The following PPP2R2C variants were observed in gnomAD, a reference collection of about 807,000 sequenced individuals.
PPP2R2C encodes protein phosphatase 2 regulatory subunit Bgamma, also known as protein phosphatase 2, regulatory subunit B, gamma.
In PPP2R2C, 10 loss-of-function variants were observed where a neutral mutation model predicts 45.3. That is an observed-to-expected ratio of 0.22 (90% CI 0.14 to 0.37). PPP2R2C has a LOEUF of 0.37. PPP2R2C is among the 10% of genes least tolerant of loss of function. PPP2R2C has a pLI of 1.00. For missense variants in PPP2R2C, 308 were observed against 619.7 expected (o/e 0.50, Z 5.34); for synonymous variants, 257 against 245.4 (o/e 1.05, Z -0.44).
intron 1 of PPP2R2C, among the ~76,000 whole-genome samples, chr4:6,401,224 G>A (rs1293744849): frequency 6.6e-6 from 1 of 152,130 alleles, no homozygotes; most frequent in Non-Finnish European, 1.5e-5. Flanking sequence ...CAACCCAGGT[G>A]AAGACTTTCC....
chr4:6,481,456 G>A (rs376530525), intron 2 of PPP2R2C, among the ~76,000 whole-genome samples: 25 of 152,094 alleles, frequency 1.6e-4, no homozygotes, highest in Non-Finnish European at 3.5e-4. Flanking sequence ...TTTTCTATAC[G>A]AAGTTCCCAT....
chr4:6,337,110 G>GTACATATATATATA (rs1207923428), intron 6 of PPP2R2C, among the ~76,000 whole-genome samples: 1 of 41,486 alleles, frequency 2.4e-5, no homozygotes, highest in Non-Finnish European at 4.5e-5. Flanking sequence ...GTATGTGTGT[G>GTACATATATATATA]TGTATATATA....
In PPP2R2C at chr4:6,362,707, G is replaced by C. The variant is rs562272427; in HGVS notation, c.625+9816C>G. The stretch of plus-strand genomic sequence containing the variant: ...CAGCCCCCACCTGGCGAGTGGTCAT[G>C]AGACTGAAATGCAACAGCGGCATCT... On this transcript the variant is annotated intron_variant, in intron 5 of 8. Coordinates refer to ENST00000382599, the MANE Select transcript of PPP2R2C (RefSeq NM_020416.4). 2.0e-5 allele frequency among the ~76,000 whole-genome samples: 3 copies of C among 152,336 alleles called. No homozygotes were observed. In the South Asian group the frequency reaches 6.2e-4, roughly 32 times the overall value.
At chr4:6,513,652 G>T (rs1171366936) in intron 2 of PPP2R2C, among the ~76,000 whole-genome samples, 1 of 152,220 alleles carries the variant, frequency 6.6e-6, no homozygotes, top group East Asian at 1.9e-4. Flanking sequence ...AGGTATGAGG[G>T]TGAACAAGCC....
chr4:6,373,900 CATGTGTGTGTGT>C (rs1327184382), intron 4 of PPP2R2C, among the ~76,000 whole-genome samples: 1 of 123,798 alleles, frequency 8.1e-6, no homozygotes, highest in Non-Finnish European at 1.7e-5. Flanking sequence ...TATGTGCATG[CATGTGTGTGTGT>C]GTGTGTGTGT....
At chr4:6,375,167 C>T (rs1247872260) in intron 4 of PPP2R2C, among the ~76,000 whole-genome samples, 2 of 152,158 alleles carry the variant, frequency 1.3e-5, no homozygotes, top group African/African-American at 4.8e-5. Flanking sequence ...TACTCAACAT[C>T]GAAGCTAATC....
intron 1 of PPP2R2C, among the ~76,000 whole-genome samples, chr4:6,448,483 G>A (rs1027080265): frequency 6.6e-6 from 1 of 151,916 alleles, no homozygotes; most frequent in Non-Finnish European, 1.5e-5. Context: ...GTTCCAAGCG[G>A]CTCCCAGGCA....
intron 1 of PPP2R2C, among the ~76,000 whole-genome samples, chr4:6,412,690 C>T (rs908431625): frequency 3.9e-5 from 6 of 152,124 alleles, no homozygotes; most frequent in African/African-American, 7.2e-5. Context: ...TGATTGAGGA[C>T]GGTCACAGAT....
chr4:6,538,822 G>C (rs986288142), intron 1 of PPP2R2C, among the ~76,000 whole-genome samples: 9 of 152,294 alleles, frequency 5.9e-5, no homozygotes, highest in East Asian at 3.9e-4. Context: ...ATGTCCTCCC[G>C]GCCCTGCTGC....
At chr4:6,467,406 C>G (rs575340891) in intron 1 of PPP2R2C, among the ~76,000 whole-genome samples, 1 of 152,206 alleles carries the variant, frequency 6.6e-6, no homozygotes, top group Non-Finnish European at 1.5e-5. Context: ...TCAGAGAGAC[C>G]GTGTGACCTG....
chr4:6,493,553 C>T (rs1722778151), intron 2 of PPP2R2C, among the ~76,000 whole-genome samples: 1 of 151,360 alleles, frequency 6.6e-6, no homozygotes. Flanking sequence ...ACATCTGGTA[C>T]ACTAACAGTG....
chr4:6,423,243 A>G (rs1001658050), intron 1 of PPP2R2C, among the ~76,000 whole-genome samples: 5 of 152,208 alleles, frequency 3.3e-5, no homozygotes, highest in Admixed American at 1.3e-4. Context: ...TCACTCTGTC[A>G]CCCAGGCTGG....
chr4:6,436,268 A>G (rs1347649225), intron 1 of PPP2R2C, among the ~76,000 whole-genome samples: 1 of 152,210 alleles, frequency 6.6e-6, no homozygotes, highest in African/African-American at 2.4e-5. Flanking sequence ...ACACCAGCCA[A>G]TGCACTTGTT....
At chr4:6,503,286 T>C (rs1723118291) in intron 2 of PPP2R2C, among the ~76,000 whole-genome samples, 1 of 152,172 alleles carries the variant, frequency 6.6e-6, no homozygotes, top group Non-Finnish European at 1.5e-5. Flanking sequence ...TCCCTCTGCC[T>C]AAAATGTTGT....
intron 5 of PPP2R2C, among the ~76,000 whole-genome samples, chr4:6,371,451 C>G (rs1714821897): frequency 6.6e-6 from 1 of 152,260 alleles, no homozygotes; most frequent in South Asian, 2.1e-4. Flanking sequence ...CAGCCCACTC[C>G]TGACCACTGC....
intron 1 of PPP2R2C, among the ~76,000 whole-genome samples, chr4:6,469,517 C>T (rs575160049): frequency 9.2e-5 from 14 of 152,274 alleles, no homozygotes; most frequent in East Asian, 3.9e-4. Flanking sequence ...AATAACAATG[C>T]CATGTGTTCA....
chr4:6,440,590 C>G (rs1413456714), intron 1 of PPP2R2C, among the ~76,000 whole-genome samples: 3 of 152,226 alleles, frequency 2.0e-5, no homozygotes, highest in Admixed American at 6.5e-5. Context: ...TGGACCCAAC[C>G]AATTGGGAGA....
Position 6,547,769 on chromosome 4 carries a change from G to A in PPP2R2C, c.-58-12392C>T, listed in dbSNP as rs1019147670. On this transcript the variant is annotated intron_variant, in intron 1 of 9. Coordinates refer to the PPP2R2C transcript ENST00000506140. ...CAACCGGACATCCATATGCAAAAAC[G>A]CAACGGGACACAGGCCTCTCATCTC... Among the ~76,000 whole-genome samples the A allele has an allele frequency of 3.9e-5, 6 of 152,166 alleles. 1 individual carries two copies. The highest frequency in any genetic ancestry group is 2.6e-4 in the Admixed American group (4 of 15,288).
chr4:6,374,433 C>G (rs1051496609), intron 4 of PPP2R2C, among the ~76,000 whole-genome samples: 4 of 152,144 alleles, frequency 2.6e-5, no homozygotes, highest in African/African-American at 7.2e-5. Flanking sequence ...TCCGCAGAAG[C>G]CACAGTCTAG....
Sources: gnomAD v4.1 joint callset for allele counts (sites outside exome capture counted in the v4.1 genomes callset) on GRCh38, gnomAD v4.1.1 for gene constraint, MANE v1.5 for transcripts, NCBI Gene and HGNC (gene_info 2026-07-23, HGNC 2026-07-21) for gene names.